Variants in GALNT18 observed in about 807,000 individuals in gnomAD.
GALNT18 encodes the protein polypeptide N-acetylgalactosaminyltransferase 18.
In GALNT18, 44 loss-of-function variants were observed where a neutral mutation model predicts 69.5. That is an observed-to-expected ratio of 0.63 (90% CI 0.50 to 0.81). The LOEUF (loss-of-function observed/expected upper bound fraction) is 0.81, where lower values mean the gene tolerates loss of function less well. Among genes scored for constraint, GALNT18 ranks in the 40% least tolerant of loss-of-function variants. The pLI, the probability that GALNT18 is intolerant of heterozygous loss-of-function variation, is 0.00. For missense variants in GALNT18, 715 were observed against 810.0 expected, an observed-to-expected ratio of 0.88 and a Z score of 1.42; for synonymous variants, 364 against 318.2, an observed-to-expected ratio of 1.14 and a Z score of -1.53.
chr11:11,460,083 C>T (rs1027345699), intron 1 of GALNT18, among the ~76,000 whole-genome samples: 2 of 152,188 alleles, frequency 1.3e-5, no homozygotes, highest in African/African-American at 2.4e-5. Context: ...CATTCAAGGA[C>T]CCCTACGGTT....
intron 2 of GALNT18, among the ~76,000 whole-genome samples, chr11:11,433,864 C>T (rs542568743): frequency 2.0e-5 from 3 of 152,260 alleles, no homozygotes; most frequent in South Asian, 2.1e-4. Flanking sequence ...CTGTCCCAGG[C>T]CCTGGGTTTG....
intron 6 of GALNT18, chr11:11,352,437 C>T (rs777646381): frequency 3.3e-5 from 54 of 1,613,960 alleles, no homozygotes; most frequent in East Asian, 1.8e-4. Context: ...TGGCTCCTTC[C>T]GAAAGATCAT....
chr11:11,506,220 A>G (rs918307755), intron 1 of GALNT18, among the ~76,000 whole-genome samples: 38 of 152,384 alleles, frequency 2.5e-4, no homozygotes, highest in Admixed American at 1.8e-3. Flanking sequence ...TAAAAAATGT[A>G]CAACCAATAC....
intron 10 of GALNT18, among the ~76,000 whole-genome samples, chr11:11,276,662 C>A (rs1283018429): frequency 2.0e-5 from 3 of 152,102 alleles, no homozygotes; most frequent in African/African-American, 7.2e-5. Context: ...ATAAATAGCT[C>A]TTATTATTTT....
chr11:11,420,945 G>C (rs1036057227), intron 3 of GALNT18, among the ~76,000 whole-genome samples: 1 of 151,966 alleles, frequency 6.6e-6, no homozygotes, highest in Non-Finnish European at 1.5e-5. Context: ...ATTCCTGCCA[G>C]CTTCATTTAT....
chr11:11,614,639 A>G lies in GALNT18; in HGVS notation c.235+6720T>C, dbSNP rs376246037. Among the ~76,000 whole-genome samples the G allele has an allele frequency of 3.9e-5, 6 of 152,316 alleles. 1 individual carries two copies. The South Asian group carries it at 1.0e-3, about 26-fold the overall frequency. Reference sequence around the variant, plus strand: ...CAGAAATCCTATACGATGGTAATGAAGACGCTCCAGTAACCCTGTTTGTGA... The same window carrying G: ...CAGAAATCCTATACGATGGTAATGAGGACGCTCCAGTAACCCTGTTTGTGA... On this transcript the variant is annotated intron_variant, in intron 1 of 10. Transcript: ENST00000227756. This position sits in a 1 kb window ranked among gnomAD's most constrained non-coding sequence, Gnocchi z 5.6.
intron 3 of GALNT18, among the ~76,000 whole-genome samples, chr11:11,429,432 G>C (rs909634192): frequency 6.6e-6 from 1 of 152,056 alleles, no homozygotes; most frequent in African/African-American, 2.4e-5. Flanking sequence ...TACTCCACGC[G>C]TGAGACTCCA....
Position 11,483,619 on chromosome 11 carries a change from G to A in GALNT18, c.236-34683C>T, listed in dbSNP as rs140201608. On this transcript the variant is annotated intron_variant, in intron 1 of 10. Coordinates refer to ENST00000227756, the MANE Select transcript of GALNT18 (RefSeq NM_198516.3). ...AGAGCTTCTGGGAGCTAAGGCCTGA[G>A]GAGGGTTCAGGAAAGGTCAGCACGC... 1.6e-3 allele frequency among the ~76,000 whole-genome samples: 240 copies of A among 152,268 alleles called. 1 individual carries two copies. Among genetic ancestry groups the A allele is most frequent in the African/African-American group, 5.6e-3 (231 of 41,560 alleles).
rs1398007114 is a variant in GALNT18 at position 11,621,844 on chromosome 11, C to T, written c.-251G>A. 2.3e-5 allele frequency: 12 copies of T among 525,690 alleles called. No individual in the cohort carries two copies. In the Admixed American group the frequency reaches 4.0e-4, roughly 17 times the overall value. The allele number at this position is 525,690 out of a possible 1,614,324, so 32.6% of individuals were successfully genotyped here. ...GGATTTTTTTCCAAATTAAAAATCCCTGAACCCTTCCTAGAGGGGTCACGG... is the reference window on the plus strand; with the variant it reads ...GGATTTTTTTCCAAATTAAAAATCCTTGAACCCTTCCTAGAGGGGTCACGG... On this transcript the variant is annotated 5_prime_UTR_variant, in exon 1 of 11. Transcript: ENST00000227756. The surrounding 1 kb of genome is among the most constrained non-coding windows in gnomAD (Gnocchi z 9.3).
intron 6 of GALNT18, chr11:11,353,379 T>A: frequency 1.7e-6 from 1 of 589,090 alleles, no homozygotes; most frequent in Non-Finnish European, 3.0e-6. Flanking sequence ...CTAACTGGGC[T>A]CATCTATTTA....
chr11:11,318,437 T>C lies in GALNT18; in HGVS notation c.1512+8649A>G, dbSNP rs917490465. Among the ~76,000 whole-genome samples, 9 of 152,272 alleles carry C rather than the reference T, an allele frequency of 5.9e-5. 1 individual carries two copies. The South Asian group carries it at 1.5e-3, about 25-fold the overall frequency. Reference sequence around the variant, plus strand: ...TGATAATGCCATGTGAAGGGTGATGTTAAGCTGCTACAAGCCAAGGGACCA... The same window carrying C: ...TGATAATGCCATGTGAAGGGTGATGCTAAGCTGCTACAAGCCAAGGGACCA... On this transcript the variant is annotated intron_variant, in intron 9 of 10. Transcript: ENST00000227756. This position sits in a 1 kb window ranked among gnomAD's most constrained non-coding sequence, Gnocchi z 5.1.
intron 3 of GALNT18, among the ~76,000 whole-genome samples, chr11:11,416,324 T>C (rs979941027): frequency 6.6e-6 from 1 of 152,224 alleles, no homozygotes; most frequent in Non-Finnish European, 1.5e-5. Flanking sequence ...CACTGTCTGA[T>C]GGAGAACCCG....
chr11:11,424,187 A>G lies in GALNT18; in HGVS notation c.595+8434T>C, dbSNP rs374384936. ...ACCCAAGAAAGGACCAGGGAGGCTC[A>G]CCTACGTTGGACCTGCCATTTTAGT... On this transcript the variant is annotated intron_variant, in intron 3 of 10. Transcript: ENST00000227756. 3.4e-3 allele frequency among the ~76,000 whole-genome samples: 516 copies of G among 152,298 alleles called. 4 individuals carry two copies. The highest frequency in any genetic ancestry group is 0.012 in the African/African-American group (491 of 41,568).
At chr11:11,487,434 T>C (rs902679277) in intron 1 of GALNT18, among the ~76,000 whole-genome samples, 10 of 152,078 alleles carry the variant, frequency 6.6e-5, no homozygotes, top group African/African-American at 2.4e-4. Flanking sequence ...AAAAATAAAA[T>C]AAAAAATAGT....
At chr11:11,577,148 G>T (rs1243034775) in intron 1 of GALNT18, among the ~76,000 whole-genome samples, 1 of 152,222 alleles carries the variant, frequency 6.6e-6, no homozygotes, top group Non-Finnish European at 1.5e-5. Context: ...CAGTGCGGAT[G>T]AAATGAAATA....
chr11:11,326,967 T>C, intron 9 of GALNT18, 119 bp downstream of exon 9: 1 of 723,274 alleles, frequency 1.4e-6, no homozygotes, highest in East Asian at 2.6e-5. Context: ...AGGCCCCTGG[T>C]CCCAGAGCTG....
chr11:11,416,507 C>T (rs1854860369), intron 3 of GALNT18, among the ~76,000 whole-genome samples: 1 of 152,200 alleles, frequency 6.6e-6, no homozygotes, highest in Non-Finnish European at 1.5e-5. Context: ...TGAGCCCCTA[C>T]TTAATTTCTA....
chr11:11,336,066 G>A (rs553621845), intron 7 of GALNT18, among the ~76,000 whole-genome samples: 115 of 152,316 alleles, frequency 7.6e-4, no homozygotes, highest in African/African-American at 2.6e-3. Context: ...AAAATTCCTT[G>A]TAGCCAGACT....
At chr11:11,384,567 C>T (rs1055654603) in intron 3 of GALNT18, among the ~76,000 whole-genome samples, 1 of 152,150 alleles carries the variant, frequency 6.6e-6, no homozygotes, top group African/African-American at 2.4e-5. Flanking sequence ...CTGGTAATAC[C>T]TAAATTTTGC....
Sources: allele counts gnomAD v4.1 joint callset (sites outside exome capture counted in the v4.1 genomes callset), GRCh38; gene constraint gnomAD v4.1.1; non-coding constraint Gnocchi (gnomAD v3.1); transcripts MANE v1.5; gene names NCBI Gene and HGNC (gene_info 2026-07-23, HGNC 2026-07-21).